XIAP: variants seen among roughly 807,000 people sequenced by gnomAD.
XIAP encodes E3 ubiquitin-protein ligase XIAP.
Under a neutral mutation model 33.1 loss-of-function variants are expected in XIAP, and 3 were observed. The ratio of observed to expected loss-of-function variants is 0.09; its 90% CI spans 0.04 to 0.23. The LOEUF is 0.23. Among genes scored for constraint, XIAP ranks in the 10% least tolerant of loss-of-function variants. The pLI is 1.00. For synonymous variants in XIAP, 98 were observed against 121.3 expected, an observed-to-expected ratio of 0.81 and a Z score of 1.26; for missense variants, 264 against 363.0, an observed-to-expected ratio of 0.73 and a Z score of 2.22.
intron 1 of XIAP, among the ~76,000 whole-genome samples, chrX:123,871,143 A>G (rs2053189889): frequency 9.0e-6 from 1 of 110,716 alleles, no homozygotes; most frequent in Admixed American, 9.7e-5. Context: ...GGGTTTCACC[A>G]TGTTGGCCAG....
intron 4 of XIAP, among the ~76,000 whole-genome samples, chrX:123,892,387 A>T (rs1213154385): frequency 9.0e-6 from 1 of 110,777 alleles, no homozygotes; most frequent in African/African-American, 3.3e-5. Flanking sequence ...TAAATTAAAT[A>T]AATAAATAAA....
Position 123,907,513 on chromosome X carries a change from A to G in XIAP, c.*332A>G, listed in dbSNP as rs981713816. 2.4e-5 allele frequency: 9 copies of G among 378,821 alleles called. No homozygotes were observed. The highest frequency in any genetic ancestry group is 4.3e-5 in the Non-Finnish European group (9 of 208,332). 31.2% of individuals were successfully genotyped at this position (378,821 alleles called of 1,213,427 possible). On this transcript the variant is annotated 3_prime_UTR_variant, in exon 7 of 7. Coordinates refer to ENST00000371199, the MANE Select transcript of XIAP (RefSeq NM_001167.4). ...AGTGAATTAATCATCTGGATTTTTT[A>G]TTCTTTTCAGATAGGCTTAACAAAT... is the stretch of plus-strand genomic sequence containing the variant.
rs2053617114 is a variant in XIAP, at chrX:123,912,799, T to G, written c.*5618T>G. ...TCGCAAGCAGCTGGGACTACAGGCATGCTCCACGGTGCCCAGTTAATTTTT... is the reference window on the plus strand; with the variant it reads ...TCGCAAGCAGCTGGGACTACAGGCAGGCTCCACGGTGCCCAGTTAATTTTT... On this transcript the variant is annotated 3_prime_UTR_variant, in exon 7 of 7. Transcript: ENST00000371199. 1 of 319,465 alleles carries G rather than the reference T, an allele frequency of 3.1e-6. No individual in the cohort carries two copies. The highest frequency in any genetic ancestry group is 9.9e-5 in the East Asian group (1 of 10,116). 26.3% of individuals were successfully genotyped at this position (319,465 alleles called of 1,213,427 possible). A position where few individuals can be genotyped will look rare whatever the true frequency, so the allele number is the denominator to read the frequency against.
At chrX:123,900,280 A>G (rs868106674) in intron 5 of XIAP, among the ~76,000 whole-genome samples, 20 of 112,036 alleles carry the variant, frequency 1.8e-4, no homozygotes, top group African/African-American at 5.5e-4. Context: ...TACTCATTGC[A>G]TTTACAATTA....
chrX:123,882,268 G>C (rs1248789170), intron 1 of XIAP, among the ~76,000 whole-genome samples: 2 of 111,403 alleles, frequency 1.8e-5, no homozygotes, highest in Non-Finnish European at 3.8e-5. Context: ...TGCTACCATC[G>C]ATTGTTATAA....
intron 1 of XIAP, among the ~76,000 whole-genome samples, chrX:123,860,809 A>C (rs1439406090): frequency 1.8e-5 from 2 of 111,974 alleles, no homozygotes; most frequent in African/African-American, 3.2e-5. Flanking sequence ...ATAACACTTA[A>C]ATTGTTTTCT....
intron 5 of XIAP, among the ~76,000 whole-genome samples, chrX:123,898,041 T>C (rs1404270388): frequency 2.7e-5 from 3 of 112,304 alleles, no homozygotes; most frequent in Admixed American, 9.5e-5. Context: ...AATGCATCTC[T>C]AAAAACCACT....
At chrX:123,890,597 G>A (rs1056038787) in intron 3 of XIAP, among the ~76,000 whole-genome samples, 5 of 100,156 alleles carry the variant, frequency 5.0e-5, no homozygotes, top group Admixed American at 1.1e-4. Flanking sequence ...TGCACTCGGC[G>A]CCACTGCACT....
chrX:123,896,666 C>T (rs926781542), intron 5 of XIAP, among the ~76,000 whole-genome samples: 35 of 101,231 alleles, frequency 3.5e-4, no homozygotes, highest in African/African-American at 1.1e-3. Context: ...CTGCAACCTC[C>T]GCCTCCCGGG....
At chrX:123,881,369 A>G (rs1055482957) in intron 1 of XIAP, among the ~76,000 whole-genome samples, 1 of 110,805 alleles carries the variant, frequency 9.0e-6, no homozygotes. Context: ...CTTAGATCCT[A>G]TATTTTTTTA....
Position 123,911,149 on chromosome X carries a change from A to C in XIAP, c.*3968A>C. On this transcript the variant is annotated 3_prime_UTR_variant, in exon 7 of 7. Coordinates refer to ENST00000371199, the MANE Select transcript of XIAP (RefSeq NM_001167.4). Reference sequence around the variant, plus strand: ...AAAATTCTTACATGATAACTCAGTGATGCTTACTCATAGTTTTTGGTGTTT... The same window carrying C: ...AAAATTCTTACATGATAACTCAGTGCTGCTTACTCATAGTTTTTGGTGTTT... 3.0e-6 allele frequency: 1 copy of C among 329,097 alleles called. No individual in the cohort carries two copies. Among genetic ancestry groups the C allele is most frequent in the Non-Finnish European group, 5.9e-6 (1 of 169,974 alleles). The allele number at this position is 329,097 out of a possible 1,213,427, so 27.1% of individuals were successfully genotyped here. A position where few individuals can be genotyped will look rare whatever the true frequency, so the allele number is the denominator to read the frequency against.
In XIAP at chrX:123,911,128, T is replaced by A. The variant is rs940873908; in HGVS notation, c.*3947T>A. ...AATTTGGGCTAAAACTTAGAAAAAATTCTTACATGATAACTCAGTGATGCT... is the reference window on the plus strand; with the variant it reads ...AATTTGGGCTAAAACTTAGAAAAAAATCTTACATGATAACTCAGTGATGCT... On this transcript the variant is annotated 3_prime_UTR_variant, in exon 7 of 7. Transcript: ENST00000371199. 18 of 326,884 alleles carry A rather than the reference T, an allele frequency of 5.5e-5. No homozygotes were observed. The highest frequency in any genetic ancestry group is 4.3e-4 in the African/African-American group (16 of 37,428). 26.9% of individuals were successfully genotyped at this position (326,884 alleles called of 1,213,427 possible).
rs200603899 is a variant in XIAP at position 123,889,695 on chromosome X, T to A, written c.977+977T>A. 2.8e-4 allele frequency among the ~76,000 whole-genome samples: 31 copies of A among 109,716 alleles called. No individual in the cohort carries two copies. The East Asian group carries it at 9.0e-3, about 32-fold the overall frequency. On this transcript the variant is annotated intron_variant, in intron 3 of 6. Coordinates refer to ENST00000371199, the MANE Select transcript of XIAP (RefSeq NM_001167.4). ...ACCACGCCCAGCTAATTTTTTATAT[T>A]TTTAGTAGAGACAGGGTTTGACCAT...
chrX:123,867,510 A>G (rs2053152985), intron 1 of XIAP, among the ~76,000 whole-genome samples: 2 of 107,411 alleles, frequency 1.9e-5, no homozygotes, highest in Admixed American at 2.0e-4. Flanking sequence ...AGTAGCTAGG[A>G]TTATAGACAT....
rs755078246 is a variant in XIAP, at chrX:123,864,616, G to A, written c.-33+4323G>A. On this transcript the variant is annotated intron_variant, in intron 1 of 6. Coordinates refer to ENST00000371199, the MANE Select transcript of XIAP (RefSeq NM_001167.4). Reference sequence around the variant, plus strand: ...CAAGTAGCTGGGACTACAGGCACCCGCCACCACACCCGGCTTAGAGTGTGT... The same window carrying A: ...CAAGTAGCTGGGACTACAGGCACCCACCACCACACCCGGCTTAGAGTGTGT... Among the ~76,000 whole-genome samples the A allele has an allele frequency of 7.5e-5, 8 of 106,832 alleles. No homozygotes were observed. In the East Asian group the frequency reaches 1.5e-3, roughly 20 times the overall value. 92.8% of individuals were successfully genotyped at this position (106,832 alleles called of 115,157 possible).
Position 123,907,449 on chromosome X carries a change from A to G in XIAP, c.*268A>G, listed in dbSNP as rs1368765643. ...AAGCATCATACTATAACTGAACACAATGTGTATTCATAGTATACTGATTTA... is the reference window on the plus strand; with the variant it reads ...AAGCATCATACTATAACTGAACACAGTGTGTATTCATAGTATACTGATTTA... On this transcript the variant is annotated 3_prime_UTR_variant, in exon 7 of 7. Transcript: ENST00000371199. 31 of 421,217 alleles carry G rather than the reference A, an allele frequency of 7.4e-5. No individual in the cohort carries two copies. Among genetic ancestry groups the G allele is most frequent in the Non-Finnish European group, 9.3e-5 (22 of 237,036 alleles). The allele number at this position is 421,217 out of a possible 1,213,427, so 34.7% of individuals were successfully genotyped here.
chrX:123,875,247 C>T (rs1395118606), intron 1 of XIAP, among the ~76,000 whole-genome samples: 2 of 110,112 alleles, frequency 1.8e-5, no homozygotes, highest in Non-Finnish European at 3.8e-5. Flanking sequence ...TCTTGAACTC[C>T]TGACCTCAGG....
intron 1 of XIAP, among the ~76,000 whole-genome samples, chrX:123,866,123 T>C (rs1342277934): frequency 9.0e-6 from 1 of 110,499 alleles, no homozygotes; most frequent in South Asian, 3.7e-4. Context: ...GTATTTTTAG[T>C]AGAGACGGGG....
At chrX:123,900,776 G>A in intron 6 of XIAP, 83 bp downstream of exon 6, 1 of 892,745 alleles carries the variant, frequency 1.1e-6, no homozygotes, top group Non-Finnish European at 1.6e-6. Flanking sequence ...GGGAGGCTGG[G>A]ACAGGTGGAT....
Sources: allele counts gnomAD v4.1 joint callset (sites outside exome capture counted in the v4.1 genomes callset), GRCh38; gene constraint gnomAD v4.1.1; transcripts MANE v1.5; gene names NCBI Gene and HGNC (gene_info 2026-07-23, HGNC 2026-07-21).